Variants in ANO6 observed in about 807,000 individuals in gnomAD.
ANO6 encodes the protein anoctamin-6.
In ANO6, 106 loss-of-function variants were observed where a neutral mutation model predicts 117.5. That is an observed-to-expected ratio of 0.90 (90% CI 0.77 to 1.06). The LOEUF (loss-of-function observed/expected upper bound fraction) is 1.06, where lower values mean the gene tolerates loss of function less well. ANO6 is among the 50% of genes least tolerant of loss of function. The probability of loss-of-function intolerance (pLI) is 0.00; values close to 1 mark genes in which losing one functional copy is unlikely to be tolerated. For synonymous variants in ANO6, 367 were observed against 385.1 expected (o/e 0.95, Z 0.55); for missense variants, 955 against 1,121.1 (o/e 0.85, Z 2.12).
At chr12:45,327,169 C>CAA (rs146502772) in intron 2 of ANO6, among the ~76,000 whole-genome samples, 1 of 148,802 alleles carries the variant, frequency 6.7e-6, no homozygotes, top group African/African-American at 2.5e-5. Flanking sequence ...AAGCACTCCA[C>CAA]AAAAAAAAAG....
intron 1 of ANO6, among the ~76,000 whole-genome samples, chr12:45,268,220 A>G (rs11182955): frequency 0.05 from 7,551 of 152,260 alleles, 456 homozygotes; most frequent in East Asian, 0.32. Flanking sequence ...GTAGTGCTGG[A>G]TTCCTTTTAC....
intron 1 of ANO6, among the ~76,000 whole-genome samples, chr12:45,255,777 ACATCTC>A (rs1937793241): frequency 1.3e-5 from 2 of 150,384 alleles, no homozygotes; most frequent in East Asian, 4.0e-4. Flanking sequence ...GATGGATCAT[ACATCTC>A]CATCTCCATC....
chr12:45,364,069 A>G (rs1026700110), intron 8 of ANO6, among the ~76,000 whole-genome samples: 7 of 152,250 alleles, frequency 4.6e-5, no homozygotes, highest in South Asian at 2.1e-4. Flanking sequence ...TTTGCTGGAT[A>G]TAGAATACTT....
At chr12:45,345,666 A>G (rs1188242830) in intron 3 of ANO6, among the ~76,000 whole-genome samples, 1 of 152,186 alleles carries the variant, frequency 6.6e-6, no homozygotes, top group East Asian at 1.9e-4. Context: ...AAAGGAAACA[A>G]GTGGGTTTTC....
At chr12:45,302,901 T>C (rs1368549312) in intron 2 of ANO6, among the ~76,000 whole-genome samples, 3 of 152,226 alleles carry the variant, frequency 2.0e-5, no homozygotes, top group Admixed American at 1.3e-4. Flanking sequence ...CCTACCACTT[T>C]AGGAGTGCAG....
At chr12:45,421,472 A>G (rs914927522) in intron 18 of ANO6, among the ~76,000 whole-genome samples, 199 bp downstream of exon 18, 22 of 152,200 alleles carry the variant, frequency 1.4e-4, no homozygotes, top group Admixed American at 1.4e-3. Context: ...AACTCAGAAA[A>G]TGTATATATA....
chr12:45,386,715 C>A (rs780264008), intron 10 of ANO6, among the ~76,000 whole-genome samples: 1 of 152,220 alleles, frequency 6.6e-6, no homozygotes, highest in Non-Finnish European at 1.5e-5. Context: ...ACCTGGCTGC[C>A]CCACCTCCAT....
intron 2 of ANO6, among the ~76,000 whole-genome samples, chr12:45,306,337 G>C (rs764758700): frequency 3.9e-5 from 6 of 152,250 alleles, no homozygotes; most frequent in Non-Finnish European, 8.8e-5. Context: ...TAATAAGAAA[G>C]AATTTGGGAT....
At chr12:45,251,793 G>A (rs1937634062) in intron 1 of ANO6, among the ~76,000 whole-genome samples, 1 of 152,208 alleles carries the variant, frequency 6.6e-6, no homozygotes, top group Non-Finnish European at 1.5e-5. Context: ...TTCACTGTGT[G>A]TGGTAGAGTT....
rs187706203 is a variant in ANO6 at position 45,268,800 on chromosome 12, C to T, written c.71-33214C>T. Among the ~76,000 whole-genome samples, 8 of 152,310 alleles carry T rather than the reference C, an allele frequency of 5.3e-5. No homozygotes were observed. The East Asian group carries it at 1.3e-3, about 26-fold the overall frequency. On this transcript the variant is annotated intron_variant, in intron 1 of 19. Coordinates refer to ENST00000320560, the MANE Select transcript of ANO6 (RefSeq NM_001025356.3). ...GGCAACATTAGGTCATAGTCCTCCC[C>T]AGGAAGAAAGGTCTGTCTGGATCAT...
chr12:45,413,577 A>G (rs1943140498), intron 16 of ANO6, among the ~76,000 whole-genome samples: 2 of 152,230 alleles, frequency 1.3e-5, no homozygotes, highest in Non-Finnish European at 2.9e-5. Context: ...CAGAGAATTG[A>G]TGATGAGGCC....
intron 3 of ANO6, 40 bp downstream of exon 3, chr12:45,331,463 T>C: frequency 9.1e-6 from 14 of 1,541,954 alleles, no homozygotes; most frequent in Non-Finnish European, 1.2e-5. Context: ...TTATTTCTTA[T>C]ATTGTAACAT....
chr12:45,369,160 C>T (rs77451010), intron 9 of ANO6, among the ~76,000 whole-genome samples: 1 of 152,158 alleles, frequency 6.6e-6, no homozygotes, highest in South Asian at 2.1e-4. Flanking sequence ...AGAAATTAAG[C>T]CCCCTCTCCC....
intron 1 of ANO6, among the ~76,000 whole-genome samples, chr12:45,217,160 A>T (rs541115854): frequency 6.6e-6 from 1 of 152,118 alleles, no homozygotes; most frequent in Non-Finnish European, 1.5e-5. Context: ...AACAAAAGGG[A>T]TGAGAGGAGG....
At chr12:45,221,605 C>T (rs879188964) in intron 1 of ANO6, among the ~76,000 whole-genome samples, 10 of 152,076 alleles carry the variant, frequency 6.6e-5, no homozygotes, top group Admixed American at 3.9e-4. Flanking sequence ...CATGGTAGCA[C>T]GTTCTAAAAT....
At chr12:45,294,555 T>A (rs1270168969) in intron 1 of ANO6, among the ~76,000 whole-genome samples, 1 of 152,154 alleles carries the variant, frequency 6.6e-6, no homozygotes, top group Non-Finnish European at 1.5e-5. Context: ...AAACTATCAA[T>A]TTGAATTTGG....
intron 1 of ANO6, among the ~76,000 whole-genome samples, chr12:45,247,024 TG>T (rs1947836232): frequency 6.6e-6 from 1 of 152,112 alleles, no homozygotes; most frequent in Non-Finnish European, 1.5e-5. Context: ...CTCCGCCTCC[TG>T]GGCGATTCTC....
exon 20 of ANO6, chr12:45,439,887 A>T: frequency 6.6e-7 from 1 of 1,525,110 alleles, no homozygotes; most frequent in African/African-American, 1.4e-5. Flanking sequence ...TTTTCCTTCT[A>T]CTTTCTTTGG....
intron 1 of ANO6, among the ~76,000 whole-genome samples, chr12:45,240,849 T>G (rs139913186): frequency 1.3e-5 from 2 of 152,208 alleles, no homozygotes; most frequent in African/African-American, 4.8e-5. Context: ...GGTTGAAAAT[T>G]CTTTTCTTTA....
Sources: allele counts gnomAD v4.1 joint callset (sites outside exome capture counted in the v4.1 genomes callset), GRCh38; gene constraint gnomAD v4.1.1; transcripts MANE v1.5; gene names NCBI Gene and HGNC (gene_info 2026-07-23, HGNC 2026-07-21).